DCAF6: variants seen among roughly 807,000 people sequenced by gnomAD.
DCAF6 encodes the protein DDB1 and CUL4 associated factor 6, also known as DDB1- and CUL4-associated factor 6.
A neutral mutation model predicts 125.1 loss-of-function variants in DCAF6; 54 were observed. That is an observed-to-expected ratio of 0.43 (90% CI 0.35 to 0.54). The LOEUF is 0.54. Among genes scored for constraint, DCAF6 ranks in the 20% least tolerant of loss-of-function variants. The pLI is 0.01. For missense variants in DCAF6, 934 were observed against 1,161.7 expected (o/e 0.80, Z 2.85); for synonymous variants, 371 against 390.4 (o/e 0.95, Z 0.58).
intron 1 of DCAF6, among the ~76,000 whole-genome samples, chr1:167,938,028 ATTT>A (rs1378884147): frequency 2.0e-5 from 3 of 152,242 alleles, no homozygotes; most frequent in Non-Finnish European, 4.4e-5. Flanking sequence ...TTTGTAAATT[ATTT>A]AAGAAAAGTT....
chr1:168,040,136 T>A (rs1336537559), intron 13 of DCAF6, among the ~76,000 whole-genome samples: 1 of 152,014 alleles, frequency 6.6e-6, no homozygotes, highest in Non-Finnish European at 1.5e-5. Context: ...GGGCAAAATG[T>A]CACTTGAAGA....
intron 1 of DCAF6, among the ~76,000 whole-genome samples, chr1:167,938,943 A>C (rs1183562992): frequency 1.3e-5 from 2 of 152,210 alleles, no homozygotes; most frequent in Admixed American, 1.3e-4. Context: ...CAGTTTTTCA[A>C]ATGTGTATGT....
At chr1:167,918,317 ACT>A in the DCAF6 span, 1 of 1,564,740 alleles carries the variant, frequency 6.4e-7, no homozygotes, top group Non-Finnish European at 8.8e-7. Context: ...GTGATCAGGA[ACT>A]CTTTTATTTG....
chr1:168,033,663 C>G (rs1360153054), intron 12 of DCAF6, among the ~76,000 whole-genome samples: 2 of 152,094 alleles, frequency 1.3e-5, no homozygotes, highest in African/African-American at 4.8e-5. Flanking sequence ...AGTTACGGAC[C>G]TTTCACTTCT....
chr1:167,889,154 A>G, the DCAF6 span, among the ~76,000 whole-genome samples: 3 of 152,092 alleles, frequency 2.0e-5, no homozygotes, highest in South Asian at 4.1e-4. Flanking sequence ...TGTGTTCTAG[A>G]TCTTAGAGGA....
At chr1:168,015,485 A>G (rs1557980164) in intron 10 of DCAF6, among the ~76,000 whole-genome samples, 1 of 151,848 alleles carries the variant, frequency 6.6e-6, no homozygotes, top group Non-Finnish European at 1.5e-5. Context: ...TTCTATGTTC[A>G]TTTTGAAATC....
the DCAF6 span, among the ~76,000 whole-genome samples, chr1:167,884,603 C>T: frequency 3.3e-5 from 5 of 152,108 alleles, no homozygotes; most frequent in African/African-American, 9.6e-5. Context: ...TACTCATTGA[C>T]CACCCCCAAT....
At chr1:167,979,365 C>T (rs1678749294) in intron 4 of DCAF6, among the ~76,000 whole-genome samples, 1 of 151,966 alleles carries the variant, frequency 6.6e-6, no homozygotes, top group Non-Finnish European at 1.5e-5. Flanking sequence ...CATCTATCAA[C>T]AGCTCTCCTT....
intron 16 of DCAF6, among the ~76,000 whole-genome samples, chr1:168,046,662 C>G (rs1286189007): frequency 6.6e-6 from 1 of 151,912 alleles, no homozygotes; most frequent in African/African-American, 2.4e-5. Context: ...CTTTCCATAC[C>G]CAGAGGGAGT....
chr1:168,063,774 T>C lies in DCAF6; in HGVS notation c.2439+15T>C, dbSNP rs1300783433. On this transcript the variant is annotated intron_variant, in intron 18 of 21. Coordinates refer to ENST00000367840, the MANE Select transcript of DCAF6 (RefSeq NM_001198956.2). ...CCAGGACAATGGTACCAAATGTTCATGGCATTTTTTGGTGAAATTGCAGTT... is the reference window on the plus strand; with the variant it reads ...CCAGGACAATGGTACCAAATGTTCACGGCATTTTTTGGTGAAATTGCAGTT... 1.9e-6 allele frequency: 3 copies of C among 1,592,328 alleles called. No individual in the cohort carries two copies. The highest frequency in any genetic ancestry group is 2.6e-6 in the Non-Finnish European group (3 of 1,173,098).
chr1:167,942,850 A>G (rs993981485), intron 1 of DCAF6, among the ~76,000 whole-genome samples: 2 of 152,076 alleles, frequency 1.3e-5, no homozygotes, highest in African/African-American at 4.8e-5. Context: ...GCCACATTCC[A>G]TTGATCTAGC....
At chr1:168,014,231 A>G (rs1471376012) in intron 10 of DCAF6, among the ~76,000 whole-genome samples, 1 of 152,166 alleles carries the variant, frequency 6.6e-6, no homozygotes, top group Admixed American at 6.5e-5. Flanking sequence ...GAGGTCATCA[A>G]TGACTTCCAT....
intron 4 of DCAF6, among the ~76,000 whole-genome samples, chr1:167,985,421 A>G (rs718885): frequency 0.21 from 31,406 of 151,958 alleles, 3,874 homozygotes; most frequent in Admixed American, 0.36. Context: ...CCCTTCCTCT[A>G]TCTTCAAACC....
intron 7 of DCAF6, among the ~76,000 whole-genome samples, chr1:167,993,813 C>T (rs1681235368): frequency 6.6e-6 from 1 of 151,384 alleles, no homozygotes; most frequent in Non-Finnish European, 1.5e-5. Flanking sequence ...ATTCAGAAAA[C>T]AATTCAGTGA....
intron 3 of DCAF6, 134 bp from the exon 4 acceptor site, chr1:167,974,696 C>T (rs1003795396): frequency 6.8e-6 from 4 of 591,014 alleles, no homozygotes; most frequent in South Asian, 6.1e-5. Flanking sequence ...ATTATAATAG[C>T]TTGCAGTCTA....
chr1:167,935,984 C>T, upstream of DCAF6: 1 of 673,428 alleles, frequency 1.5e-6, no homozygotes. Context: ...CGCGGCTTTC[C>T]CTGCCCGCTG....
intron 1 of DCAF6, among the ~76,000 whole-genome samples, chr1:167,948,606 C>G (rs185620387): frequency 4.5e-4 from 68 of 152,170 alleles, no homozygotes; most frequent in African/African-American, 1.5e-3. Context: ...TAAAAATGAG[C>G]AATAGCTGTA....
intron 21 of DCAF6, among the ~76,000 whole-genome samples, chr1:168,073,892 G>A (rs1326053492): frequency 6.7e-6 from 1 of 149,046 alleles, no homozygotes; most frequent in African/African-American, 2.5e-5. Context: ...TTCTTCTACT[G>A]TGTTTAAATT....
chr1:167,877,290 C>G, the DCAF6 span, among the ~76,000 whole-genome samples: 2 of 149,886 alleles, frequency 1.3e-5, no homozygotes, highest in Middle Eastern at 3.4e-3. Flanking sequence ...GGTAAAGTAC[C>G]TGATGTTTAA....
Sources: allele counts gnomAD v4.1 joint callset (sites outside exome capture counted in the v4.1 genomes callset), GRCh38; gene constraint gnomAD v4.1.1; transcripts MANE v1.5; gene names NCBI Gene and HGNC (gene_info 2026-07-23, HGNC 2026-07-21).